Variants in RRH observed in about 807,000 individuals in gnomAD.
RRH encodes the protein retinal pigment epithelium-derived rhodopsin homolog, also known as visual pigment-like receptor peropsin.
A neutral mutation model predicts 33.1 loss-of-function variants in RRH; 36 were observed. The observed-to-expected ratio is 1.09, with a 90% CI of 0.83 to 1.44. The LOEUF (loss-of-function observed/expected upper bound fraction) is 1.44, where lower values mean the gene tolerates loss of function less well. Among genes scored for constraint, RRH ranks in the 40% most tolerant of loss-of-function variants. The pLI, the probability that RRH is intolerant of heterozygous loss-of-function variation, is 0.00. For missense variants in RRH, 393 were observed against 420.2 expected, an observed-to-expected ratio of 0.94 and a Z score of 0.57; for synonymous variants, 124 against 140.2, an observed-to-expected ratio of 0.88 and a Z score of 0.82.
At chr4:109,837,127 G>A (rs1380082024) in intron 4 of RRH, among the ~76,000 whole-genome samples, 1 of 152,078 alleles carries the variant, frequency 6.6e-6, no homozygotes, top group Non-Finnish European at 1.5e-5. Flanking sequence ...TTATAGCCCA[G>A]ATGTTCTCTA....
rs1579363890 is a variant in RRH at position 109,839,446 on chromosome 4, C to T, written c.720+1841C>T. ...TCACTTTTACAGATAGGAGAAAAAC[C>T]ATTTTTTTTAAATTTCCAACTTTTA... is the stretch of plus-strand genomic sequence containing the variant. On this transcript the variant is annotated intron_variant, in intron 5 of 6. Transcript: ENST00000317735. 1.3e-5 allele frequency among the ~76,000 whole-genome samples: 2 copies of T among 152,190 alleles called. 1 individual carries two copies. The highest frequency in any genetic ancestry group is 1.3e-4 in the Admixed American group (2 of 15,278).
intron 5 of RRH, among the ~76,000 whole-genome samples, chr4:109,838,602 T>C (rs1055436001): frequency 2.0e-5 from 3 of 152,214 alleles, no homozygotes; most frequent in Non-Finnish European, 4.4e-5. Flanking sequence ...TTTAAGACTT[T>C]GCATGAATGA....
At chr4:109,836,983 T>C (rs1053783903) in intron 4 of RRH, among the ~76,000 whole-genome samples, 6 of 151,412 alleles carry the variant, frequency 4.0e-5, no homozygotes, top group Admixed American at 2.0e-4. Flanking sequence ...AGCTACTCGG[T>C]TGGCTAAAAT....
In RRH at chr4:109,833,297, G is replaced by A; in HGVS notation, c.265G>A (p.Gly89Arg). 1.2e-6 allele frequency: 2 copies of A among 1,614,044 alleles called. No homozygotes were observed. The highest frequency in any genetic ancestry group is 2.2e-5 in the East Asian group (1 of 44,864). ...YPMSAASDLYGSWKFGYAGCQ... is the reference protein window; with the variant it reads ...YPMSAASDLYRSWKFGYAGCQ... ...CATGTCTGCTGCCTCAGATCTGTAT[G>A]GAAGTTGGAAATTTGGATACGCAGG... Residue 89 changes from glycine (G) to arginine (R), a missense_variant, in exon 2 of 7, where the codon GGA becomes AGA. By Grantham distance (125) the Gly-to-Arg change is moderately radical (BLOSUM62 -2). Transcript: ENST00000317735.
chr4:109,831,867 C>G (rs934102080), intron 1 of RRH, among the ~76,000 whole-genome samples: 1 of 152,048 alleles, frequency 6.6e-6, no homozygotes, highest in African/African-American at 2.4e-5. Context: ...TTATAGCAAG[C>G]TGATTCTGCC....
At position 109,835,431 on chromosome 4, in the gene RRH, G is replaced by A. The variant is rs771602623; in HGVS notation, c.363G>A (p.Val121=). Residue 121 remains valine (V), a synonymous_variant, in exon 3 of 7, where the codon GTG becomes GTA. Transcript: ENST00000317735. The part of the protein sequence containing the change: ...ASIGLLTVVA[V]DRYLTICLPD... ...TTGGATTACTCACGGTCGTGGCTGT[G>A]GACCGATACCTGACCATCTGCCTTC... The A allele has an allele frequency of 6.2e-7, 1 of 1,613,926 alleles. No homozygotes were observed. The highest frequency in any genetic ancestry group is 1.1e-5 in the South Asian group (1 of 91,078).
Position 109,842,461 on chromosome 4 carries a change from C to G in RRH, c.721-8C>G. The G allele has an allele frequency of 6.2e-7, 1 of 1,613,354 alleles. No individual in the cohort carries two copies. On this transcript the variant is annotated splice_polypyrimidine_tract_variant and splice_region_variant and intron_variant, in intron 5 of 6. Coordinates refer to ENST00000317735, the MANE Select transcript of RRH (RefSeq NM_006583.5). ...TATTGGGCTTGGTGAATATTTATTTCTTTTCAGATGTCTGTGATCATGATC... is the reference window on the plus strand; with the variant it reads ...TATTGGGCTTGGTGAATATTTATTTGTTTTCAGATGTCTGTGATCATGATC...
chr4:109,844,245 T>A lies in RRH; in HGVS notation c.*48T>A, dbSNP rs1229626811. 2.5e-6 allele frequency: 3 copies of A among 1,202,288 alleles called. No individual in the cohort carries two copies. Among genetic ancestry groups the A allele is most frequent in the Non-Finnish European group, 3.7e-6 (3 of 808,232 alleles). 74.5% of individuals were successfully genotyped at this position (1,202,288 alleles called of 1,614,324 possible). ...TCAAAACACTTTAGTTTTTTGACAA[T>A]GCTTTTCTTTTAAATATGAGCCCAT... On this transcript the variant is annotated 3_prime_UTR_variant, in exon 7 of 7. Coordinates refer to ENST00000317735, the MANE Select transcript of RRH (RefSeq NM_006583.5).
chr4:109,835,463 T>C lies in RRH; in HGVS notation c.395T>C (p.Val132Ala), dbSNP rs374052886. ...TACCTGACCATCTGCCTTCCTGACG[T>C]AGGTACAACACTTTTCTCAGCTTTC... ...DRYLTICLPD[V>A]GRRMTTNTYI... Residue 132 changes from valine (V) to alanine (A), a missense_variant and splice_region_variant, in exon 3 of 7, where the codon GTA becomes GCA. Transcript: ENST00000317735. The C allele has an allele frequency of 1.2e-6, 2 of 1,608,728 alleles. No individual in the cohort carries two copies. The highest frequency in any genetic ancestry group is 1.3e-5 in the African/African-American group (1 of 74,800).
At chr4:109,835,924 A>G (rs930285355) in intron 3 of RRH, 83 bp from the exon 4 acceptor site, 2 of 1,546,770 alleles carry the variant, frequency 1.3e-6, no homozygotes, top group Non-Finnish European at 1.8e-6. Flanking sequence ...AATCTACTTG[A>G]TAACACTTAC....
In RRH at chr4:109,835,462, G is replaced by A. The variant is rs147963829; in HGVS notation, c.394G>A (p.Val132Ile). ...ATACCTGACCATCTGCCTTCCTGAC[G>A]TAGGTACAACACTTTTCTCAGCTTT... ...DRYLTICLPD[V>I]GRRMTTNTYI... The change falls in exon 3 of 7, where the codon GTA becomes ATA. Residue 132 changes from valine (V) to isoleucine (I), a missense_variant. Physicochemically the swap from Val to Ile is conservative, Grantham distance 29. Coordinates refer to ENST00000317735, the MANE Select transcript of RRH (RefSeq NM_006583.5). 6.2e-6 allele frequency: 10 copies of A among 1,609,740 alleles called. No individual in the cohort carries two copies. Among genetic ancestry groups the A allele is most frequent in the Non-Finnish European group, 6.8e-6 (8 of 1,176,070 alleles).
At chr4:109,834,642 C>T (rs958049170) in intron 2 of RRH, among the ~76,000 whole-genome samples, 3 of 141,872 alleles carry the variant, frequency 2.1e-5, no homozygotes, top group Admixed American at 7.8e-5. Flanking sequence ...TGCGCCCGGA[C>T]CCCCATTTTT....
chr4:109,837,212 G>T (rs1057165770), intron 4 of RRH, among the ~76,000 whole-genome samples: 11 of 152,204 alleles, frequency 7.2e-5, no homozygotes, highest in African/African-American at 2.7e-4. Flanking sequence ...ACATGGCTGT[G>T]TTCCAATAAA....
rs150647387 is a variant in RRH at position 109,843,952 on chromosome 4, G to A, written c.900-131G>A. ...TTTATAAAGGTTCTCAACAGGACAT[G>A]TTAAAGTTGGAGGCAGAAATTTATC... On this transcript the variant is annotated intron_variant, in intron 6 of 6. Coordinates refer to ENST00000317735, the MANE Select transcript of RRH (RefSeq NM_006583.5). The A allele has an allele frequency of 1.5e-3, 1,032 of 681,340 alleles. 7 individuals carry two copies. Among genetic ancestry groups the A allele is most frequent in the African/African-American group, 0.015 (840 of 56,376 alleles). 42.2% of individuals were successfully genotyped at this position (681,340 alleles called of 1,614,324 possible).
At chr4:109,843,797 G>A (rs4698796) in intron 6 of RRH, among the ~76,000 whole-genome samples, 147,628 of 152,314 alleles carry the variant, frequency 0.97, 71,690 homozygotes, top group East Asian at 1. Context: ...TCTTCAATCT[G>A]TAGAATCAAC....
intron 3 of RRH, 148 bp from the exon 4 acceptor site, chr4:109,835,859 T>C: frequency 1.2e-6 from 1 of 836,846 alleles, no homozygotes; most frequent in Middle Eastern, 2.3e-4. Context: ...GTTACTTTTA[T>C]TAGGTGTTGC....
chr4:109,833,582 G>T (rs1019689242), intron 2 of RRH, among the ~76,000 whole-genome samples: 1 of 152,032 alleles, frequency 6.6e-6, no homozygotes, highest in Admixed American at 6.6e-5. Flanking sequence ...TTCAACCAAA[G>T]GAGAAGAGTG....
Position 109,835,991 on chromosome 4 carries a change from C to T in RRH, c.398-16C>T, listed in dbSNP as rs1225292186. 1 of 1,613,920 alleles carries T rather than the reference C, an allele frequency of 6.2e-7. No individual in the cohort carries two copies. The highest frequency in any genetic ancestry group is 1.3e-5 in the African/African-American group (1 of 74,902). On this transcript the variant is annotated splice_polypyrimidine_tract_variant and intron_variant, in intron 3 of 6. Transcript: ENST00000317735. Reference sequence around the variant, plus strand: ...TAATGGCAAATGTTGCTAATATTTCCTGTGCTTGATAATAGGGAGAAGAAT... The same window carrying T: ...TAATGGCAAATGTTGCTAATATTTCTTGTGCTTGATAATAGGGAGAAGAAT...
chr4:109,836,087 A>G lies in RRH; in HGVS notation c.478A>G (p.Ile160Val), dbSNP rs1733877656. Residue 160 changes from isoleucine to valine, a missense_variant, in exon 4 of 7, where the codon ATC becomes GTC. Coordinates refer to ENST00000317735, the MANE Select transcript of RRH (RefSeq NM_006583.5). ...TGGCCTGTTTTGGGCTTTGATGCCT[A>G]TCATAGGGTGGGCTAGTTATGCCCC... is the stretch of plus-strand genomic sequence containing the variant. The part of the protein sequence containing the change: ...INGLFWALMP[I>V]IGWASYAPDP... 5 of 1,614,076 alleles carry G rather than the reference A, an allele frequency of 3.1e-6. No homozygotes were observed. In the African/African-American group the frequency reaches 4.0e-5, roughly 13 times the overall value.
Sources: allele counts gnomAD v4.1 joint callset (sites outside exome capture counted in the v4.1 genomes callset), GRCh38; gene constraint gnomAD v4.1.1; transcripts MANE v1.5; gene names NCBI Gene and HGNC (gene_info 2026-07-23, HGNC 2026-07-21).